The following OSBPL6 variants were observed in gnomAD, a reference collection of about 807,000 sequenced individuals.
OSBPL6 encodes the protein oxysterol-binding protein-related protein 6.
Under a neutral mutation model 125.8 loss-of-function variants are expected in OSBPL6, and 49 were observed. The observed-to-expected ratio is 0.39, with a 90% CI of 0.31 to 0.49. The LOEUF (loss-of-function observed/expected upper bound fraction) is 0.49. Among genes scored for constraint, OSBPL6 ranks in the 20% least tolerant of loss-of-function variants. The pLI is 0.88. For missense variants in OSBPL6, 986 were observed against 1,135.4 expected (o/e 0.87, Z 1.89); for synonymous variants, 394 against 391.8 (o/e 1.01, Z -0.07).
At chr2:178,376,219 C>T (rs756184839) in intron 15 of OSBPL6, among the ~76,000 whole-genome samples, 3 of 152,094 alleles carry the variant, frequency 2.0e-5, no homozygotes, top group Non-Finnish European at 4.4e-5. Context: ...TCTAATTCAG[C>T]ACGTCCCAAA....
In OSBPL6 at chr2:178,243,114, C is replaced by G. The variant is rs141250013; in HGVS notation, c.-350-41813C>G. On this transcript the variant is annotated intron_variant, in intron 1 of 24. Transcript: ENST00000190611. ...TTGATAGCAGACTTCTGTACATTCT[C>G]AGTATGTAATTTGCTGTAGTTAAGA... 1.8e-3 allele frequency among the ~76,000 whole-genome samples: 279 copies of G among 152,178 alleles called. 3 individuals are homozygous for G. The highest frequency in any genetic ancestry group is 6.6e-3 in the African/African-American group (273 of 41,520).
intron 1 of OSBPL6, among the ~76,000 whole-genome samples, chr2:178,195,960 CTTGTTTTGTTT>C (rs2088862133): frequency 6.6e-6 from 1 of 152,080 alleles, no homozygotes; most frequent in African/African-American, 2.4e-5. Context: ...TTGTTTTCCT[CTTGTTTTGTTT>C]TTGTTTCTTT....
chr2:178,370,415 A>C (rs1693266644), intron 13 of OSBPL6, among the ~76,000 whole-genome samples: 1 of 152,210 alleles, frequency 6.6e-6, no homozygotes, highest in Admixed American at 6.5e-5. Flanking sequence ...TAGGCAGAGA[A>C]GCAACAAAGA....
At chr2:178,285,334 T>C (rs1367018453) in intron 2 of OSBPL6, among the ~76,000 whole-genome samples, 1 of 152,026 alleles carries the variant, frequency 6.6e-6, no homozygotes, top group Non-Finnish European at 1.5e-5. Flanking sequence ...AATGTGAAAA[T>C]ATTTGGTAAC....
chr2:178,256,343 T>C (rs1215995821), intron 1 of OSBPL6, among the ~76,000 whole-genome samples: 9 of 152,222 alleles, frequency 5.9e-5, no homozygotes, highest in Non-Finnish European at 5.9e-5. Context: ...GTGGGAGTTT[T>C]AGCTTGAAGC....
chr2:178,343,141 A>C (rs1029973855), intron 11 of OSBPL6, among the ~76,000 whole-genome samples: 3 of 151,880 alleles, frequency 2.0e-5, no homozygotes, highest in African/African-American at 7.3e-5. Context: ...CTGACATCCC[A>C]AAAAAAACTA....
At chr2:178,346,718 T>C (rs1490184308) in intron 11 of OSBPL6, among the ~76,000 whole-genome samples, 1 of 152,210 alleles carries the variant, frequency 6.6e-6, no homozygotes, top group Non-Finnish European at 1.5e-5. Context: ...AATCCTATAA[T>C]ACCCAAATTG....
At chr2:178,264,818 A>G (rs1174233893) in intron 1 of OSBPL6, among the ~76,000 whole-genome samples, 1 of 152,174 alleles carries the variant, frequency 6.6e-6, no homozygotes, top group Non-Finnish European at 1.5e-5. Flanking sequence ...TATCTTATTA[A>G]AAATTCACGT....
intron 1 of OSBPL6, among the ~76,000 whole-genome samples, chr2:178,208,213 C>G (rs1319787305): frequency 6.6e-6 from 1 of 150,732 alleles, no homozygotes; most frequent in East Asian, 2.0e-4. Flanking sequence ...TCAACCCCAG[C>G]AGGTGGAGGT....
chr2:178,382,607 C>T (rs1273133311), intron 16 of OSBPL6, 100 bp downstream of exon 16: 1 of 1,558,684 alleles, frequency 6.4e-7, no homozygotes, highest in Admixed American at 1.9e-5. Flanking sequence ...CACCCCCACC[C>T]CTGCTAATTG....
intron 1 of OSBPL6, among the ~76,000 whole-genome samples, chr2:178,251,849 C>T (rs555948929): frequency 3.9e-5 from 6 of 152,188 alleles, no homozygotes; most frequent in Admixed American, 6.5e-5. Context: ...AGCAATCCTG[C>T]GCATGTGCTT....
rs1575047675 is a variant in OSBPL6 at position 178,388,656 on chromosome 2, A to G, written c.2157-353A>G. Among the ~76,000 whole-genome samples the G allele has an allele frequency of 2.0e-5, 3 of 152,296 alleles. No individual in the cohort carries two copies. In the Middle Eastern group the frequency reaches 0.01, roughly 518 times the overall value. Reference sequence around the variant, plus strand: ...TTCCTTGACACTCATCCCACGTTCCAGGTAGATTGAAGGACTAAAAACTCT... The same window carrying G: ...TTCCTTGACACTCATCCCACGTTCCGGGTAGATTGAAGGACTAAAAACTCT... On this transcript the variant is annotated intron_variant, in intron 20 of 24. Transcript: ENST00000190611.
intron 2 of OSBPL6, among the ~76,000 whole-genome samples, chr2:178,303,874 T>G (rs62176070): frequency 0.16 from 24,716 of 152,082 alleles, 2,168 homozygotes; most frequent in Admixed American, 0.24. Flanking sequence ...CCTCCTCATC[T>G]TCTTTACTTC....
chr2:178,258,045 C>A (rs1388446156), intron 1 of OSBPL6, among the ~76,000 whole-genome samples: 5 of 152,154 alleles, frequency 3.3e-5, no homozygotes, highest in African/African-American at 1.2e-4. Context: ...TCCACCAAAG[C>A]CTCCCAAAGT....
At chr2:178,386,944 A>G (rs1694993073) in intron 19 of OSBPL6, 117 bp from the exon 20 acceptor site, 1 of 575,878 alleles carries the variant, frequency 1.7e-6, no homozygotes, top group Non-Finnish European at 3.0e-6. Flanking sequence ...AATCAGCAAT[A>G]TAGAATCAGT....
intron 1 of OSBPL6, among the ~76,000 whole-genome samples, chr2:178,239,013 G>A (rs1221203084): frequency 3.9e-5 from 6 of 152,116 alleles, no homozygotes; most frequent in Admixed American, 2.0e-4. Context: ...CCTTTCAATC[G>A]TCTATGTGAC....
chr2:178,247,206 T>C (rs1288565396), intron 1 of OSBPL6, among the ~76,000 whole-genome samples: 2 of 152,180 alleles, frequency 1.3e-5, no homozygotes, highest in African/African-American at 2.4e-5. Flanking sequence ...ATTTTGTCTA[T>C]TTGTTTTGTT....
intron 1 of OSBPL6, among the ~76,000 whole-genome samples, chr2:178,265,191 CTTTTTTTTTT>C (rs376718500): frequency 1.7e-3 from 59 of 33,716 alleles, no homozygotes; most frequent in Non-Finnish European, 3.0e-3. Flanking sequence ...CCAGACGAGA[CTTTTTTTTTT>C]TTTTTTTTTT....
intron 1 of OSBPL6, among the ~76,000 whole-genome samples, chr2:178,239,875 C>T (rs2091219835): frequency 6.6e-6 from 1 of 151,914 alleles, no homozygotes; most frequent in Non-Finnish European, 1.5e-5. Context: ...GATCCACCCG[C>T]CTCGGCCTCT....
Sources: gnomAD v4.1 joint callset for allele counts (sites outside exome capture counted in the v4.1 genomes callset) on GRCh38, gnomAD v4.1.1 for gene constraint, MANE v1.5 for transcripts, NCBI Gene and HGNC (gene_info 2026-07-23, HGNC 2026-07-21) for gene names.